Variants in NFIB observed in about 807,000 individuals in gnomAD.
NFIB encodes the protein nuclear factor I B.
In NFIB, 11 loss-of-function variants were observed where a neutral mutation model predicts 61.5. The observed-to-expected ratio is 0.18, with a 90% CI of 0.11 to 0.30. The LOEUF (loss-of-function observed/expected upper bound fraction) is 0.30, where lower values mean the gene tolerates loss of function less well. Ranked by LOEUF, NFIB falls within the 10% of genes least tolerant of loss-of-function variation. The probability of loss-of-function intolerance (pLI) is 1.00; values close to 1 mark genes in which losing one functional copy is unlikely to be tolerated. For synonymous variants in NFIB, 260 were observed against 216.5 expected, an observed-to-expected ratio of 1.20 and a Z score of -1.76; for missense variants, 471 against 608.9, an observed-to-expected ratio of 0.77 and a Z score of 2.38.
chr9:14,206,537 A>C (rs1347743765), intron 2 of NFIB, among the ~76,000 whole-genome samples: 1 of 151,794 alleles, frequency 6.6e-6, no homozygotes, highest in Non-Finnish European at 1.5e-5. Context: ...GACACTGCTG[A>C]CTTATTACCT....
At chr9:14,160,015 A>G (rs187184127) in intron 3 of NFIB, among the ~76,000 whole-genome samples, 8 of 152,326 alleles carry the variant, frequency 5.3e-5, no homozygotes, top group Non-Finnish European at 1.0e-4. Context: ...GAGGCAGAGC[A>G]GCTGCTTAAT....
chr9:14,226,381 T>C (rs552361150), intron 2 of NFIB, among the ~76,000 whole-genome samples: 1 of 151,914 alleles, frequency 6.6e-6, no homozygotes, highest in East Asian at 1.9e-4. Context: ...GATCCCCATC[T>C]CTACAAAAAC....
chr9:14,156,147 G>A (rs554447357), intron 3 of NFIB, among the ~76,000 whole-genome samples: 56 of 152,260 alleles, frequency 3.7e-4, no homozygotes, highest in Non-Finnish European at 6.9e-4. Context: ...TATTGATGCG[G>A]TTTGATTTGC....
the NFIB span, among the ~76,000 whole-genome samples, chr9:14,411,245 A>G: frequency 2.0e-5 from 3 of 152,176 alleles, no homozygotes; most frequent in Non-Finnish European, 4.4e-5. Flanking sequence ...GGATATTAGC[A>G]ATTTTGGTTG....
At chr9:14,139,589 G>A (rs2041458714) in intron 6 of NFIB, among the ~76,000 whole-genome samples, 1 of 152,084 alleles carries the variant, frequency 6.6e-6, no homozygotes, top group African/African-American at 2.4e-5. Flanking sequence ...TCTGCAAAAT[G>A]CTGTATTTTC....
intron 6 of NFIB, among the ~76,000 whole-genome samples, chr9:14,145,668 T>G (rs1324131861): frequency 2.3e-5 from 3 of 128,062 alleles, no homozygotes; most frequent in Non-Finnish European, 5.4e-5. Flanking sequence ...TTTTTTTTTT[T>G]GAGACAGGGT....
intron 1 of NFIB, among the ~76,000 whole-genome samples, chr9:14,374,068 C>T (rs752779034): frequency 3.9e-5 from 6 of 152,164 alleles, no homozygotes; most frequent in Non-Finnish European, 8.8e-5. Context: ...CCCTGTTCAA[C>T]TTCGAATGTC....
intron 6 of NFIB, among the ~76,000 whole-genome samples, chr9:14,140,576 G>C (rs2382440): frequency 0.28 from 42,833 of 152,038 alleles, 7,889 homozygotes; most frequent in African/African-American, 0.51. Context: ...AAAAAACTTT[G>C]CAAATTTAGC....
chr9:14,246,999 A>C (rs10961448), intron 2 of NFIB, among the ~76,000 whole-genome samples: 11,137 of 150,838 alleles, frequency 0.074, 506 homozygotes, highest in Non-Finnish European at 0.098. Context: ...CTTTCACTAT[A>C]TCTCTCTCTC....
the NFIB span, among the ~76,000 whole-genome samples, chr9:14,484,824 C>G: frequency 6.6e-6 from 1 of 152,186 alleles, no homozygotes; most frequent in Non-Finnish European, 1.5e-5. Flanking sequence ...TTAGACAGCT[C>G]AAGCTGCTAT....
chr9:14,473,292 G>T, the NFIB span, among the ~76,000 whole-genome samples: 1 of 152,084 alleles, frequency 6.6e-6, no homozygotes, highest in South Asian at 2.1e-4. Flanking sequence ...TTTGACCTGG[G>T]GTAGAAAATC....
intron 6 of NFIB, among the ~76,000 whole-genome samples, chr9:14,134,933 A>G (rs1219065992): frequency 6.8e-6 from 1 of 147,614 alleles, no homozygotes; most frequent in African/African-American, 2.5e-5. Context: ...AAATTGAAGG[A>G]TATGGTAAAA....
At chr9:14,342,382 C>G (rs188011952) in intron 1 of NFIB, among the ~76,000 whole-genome samples, 2 of 151,694 alleles carry the variant, frequency 1.3e-5, no homozygotes, top group Admixed American at 1.3e-4. Context: ...ATTCCCTTTG[C>G]TTACACCTTT....
the NFIB span, among the ~76,000 whole-genome samples, chr9:14,427,905 G>A: frequency 1.6e-5 from 2 of 128,536 alleles, no homozygotes; most frequent in African/African-American, 5.6e-5. Flanking sequence ...TTCTAGAAAA[G>A]GTACAGATCT....
chr9:14,121,511 T>C (rs2038937222), intron 7 of NFIB, among the ~76,000 whole-genome samples: 2 of 152,224 alleles, frequency 1.3e-5, no homozygotes, highest in Non-Finnish European at 2.9e-5. Flanking sequence ...TCTCATGTCA[T>C]TTATAATTGT....
At chr9:14,465,628 T>C in the NFIB span, among the ~76,000 whole-genome samples, 3 of 150,324 alleles carry the variant, frequency 2.0e-5, no homozygotes, top group African/African-American at 5.0e-5. Context: ...CCTGCAGCTA[T>C]GGGCCCTTCT....
intron 6 of NFIB, among the ~76,000 whole-genome samples, chr9:14,144,310 C>T (rs1024631902): frequency 6.6e-6 from 1 of 152,302 alleles, no homozygotes; most frequent in African/African-American, 2.4e-5. Flanking sequence ...CTGAATAACG[C>T]ATCCATTCCC....
In NFIB at chr9:14,249,341, TTTTTC is replaced by T. The variant is rs376143134; in HGVS notation, c.562+57643_562+57647del. Among the ~76,000 whole-genome samples the T allele has an allele frequency of 2.8e-3, 428 of 152,300 alleles. 3 individuals are homozygous for T. The highest frequency in any genetic ancestry group is 9.6e-3 in the African/African-American group (399 of 41,554). On this transcript the variant is annotated intron_variant, in intron 2 of 10. Coordinates refer to ENST00000380953, the MANE Select transcript of NFIB (RefSeq NM_001190737.2). ...ATGAGATACTACCTAAGATTTAGCT[TTTTTC>T]TTTTCTTAAGTATTACCAAGAAATA...
At chr9:14,454,063 G>A in the NFIB span, among the ~76,000 whole-genome samples, 1 of 150,748 alleles carries the variant, frequency 6.6e-6, no homozygotes, top group Non-Finnish European at 1.5e-5. Flanking sequence ...GCAAGACTCC[G>A]TTTCAAAAAA....
Sources: gnomAD v4.1 joint callset for allele counts (sites outside exome capture counted in the v4.1 genomes callset) on GRCh38, gnomAD v4.1.1 for gene constraint, MANE v1.5 for transcripts, NCBI Gene and HGNC (gene_info 2026-07-23, HGNC 2026-07-21) for gene names.